GOLPH3: variants seen among roughly 807,000 people sequenced by gnomAD.
The protein encoded by GOLPH3 is coat protein GPP34.
GOLPH3 carries 14 observed loss-of-function variants against 28.5 expected under a neutral mutation model. That is an observed-to-expected ratio of 0.49 (90% confidence interval 0.32 to 0.77). GOLPH3 has a LOEUF of 0.77. Ranked by LOEUF, GOLPH3 falls within the 30% of genes least tolerant of loss-of-function variation. The probability of loss-of-function intolerance (pLI) is 0.03; values close to 1 mark genes in which losing one functional copy is unlikely to be tolerated. For missense variants in GOLPH3, 350 were observed against 393.7 expected, an observed-to-expected ratio of 0.89 and a Z score of 0.94; for synonymous variants, 158 against 159.2, an observed-to-expected ratio of 0.99 and a Z score of 0.06.
chr5:32,153,000 C>T (rs565445519), intron 1 of GOLPH3, among the ~76,000 whole-genome samples: 2 of 152,140 alleles, frequency 1.3e-5, no homozygotes, highest in Admixed American at 1.3e-4. Flanking sequence ...GAAACAGCCC[C>T]ATAAATATGC....
intron 2 of GOLPH3, among the ~76,000 whole-genome samples, chr5:32,137,079 C>A (rs1396990872): frequency 6.6e-6 from 1 of 151,990 alleles, no homozygotes; most frequent in Non-Finnish European, 1.5e-5. Context: ...CCTGCCTCAG[C>A]CTTCCAAGTA....
chr5:32,169,841 G>A (rs1489382426), intron 1 of GOLPH3, among the ~76,000 whole-genome samples: 1 of 151,776 alleles, frequency 6.6e-6, no homozygotes, highest in Non-Finnish European at 1.5e-5. Context: ...AAATACTTAT[G>A]CACTGATTCT....
intron 1 of GOLPH3, among the ~76,000 whole-genome samples, chr5:32,164,659 T>C (rs1468250986): frequency 2.0e-5 from 3 of 151,962 alleles, no homozygotes; most frequent in African/African-American, 4.8e-5. Context: ...ACTCCCAAAG[T>C]GTTGGGATTA....
intron 3 of GOLPH3, among the ~76,000 whole-genome samples, chr5:32,128,074 C>G (rs1270739796): frequency 6.6e-6 from 1 of 152,270 alleles, no homozygotes; most frequent in African/African-American, 2.4e-5. Flanking sequence ...GGGACCTACA[C>G]AGATAAAGAG....
At chr5:32,133,296 T>C (rs2111840174) in intron 3 of GOLPH3, among the ~76,000 whole-genome samples, 1 of 152,340 alleles carries the variant, frequency 6.6e-6, no homozygotes, top group African/African-American at 2.4e-5. Context: ...ACAGGTTAAG[T>C]GTAAGATGCA....
Position 32,134,556 on chromosome 5 carries a change from G to A in GOLPH3, c.472+1016C>T, listed in dbSNP as rs1745893850. On this transcript the variant is annotated intron_variant, in intron 3 of 3. Coordinates refer to ENST00000265070, the MANE Select transcript of GOLPH3 (RefSeq NM_022130.4). The stretch of plus-strand genomic sequence containing the variant: ...AAAAAAAACTCAGCGAGGCATGGTG[G>A]CACACACCTGTAGTCTTAGCTACTC... Among the ~76,000 whole-genome samples the A allele has an allele frequency of 4.0e-5, 6 of 151,778 alleles. No homozygotes were observed. The South Asian group carries it at 1.3e-3, about 32-fold the overall frequency.
intron 1 of GOLPH3, 112 bp from the exon 2 acceptor site, chr5:32,143,992 T>C: frequency 1.6e-6 from 1 of 616,744 alleles, no homozygotes. Context: ...TTACCTTTCC[T>C]GTCTTTCTAT....
chr5:32,169,308 AC>A (rs1197473822), intron 1 of GOLPH3, among the ~76,000 whole-genome samples: 2 of 152,192 alleles, frequency 1.3e-5, no homozygotes, highest in East Asian at 3.9e-4. Context: ...CTATGGGGAA[AC>A]CCTAAAGTAA....
intron 1 of GOLPH3, among the ~76,000 whole-genome samples, chr5:32,149,907 G>A (rs999940606): frequency 1.3e-5 from 2 of 151,952 alleles, no homozygotes; most frequent in Non-Finnish European, 2.9e-5. Flanking sequence ...TGAGGCAGGA[G>A]AATCGCTAGA....
chr5:32,166,098 T>C (rs892150863), intron 1 of GOLPH3, among the ~76,000 whole-genome samples: 1 of 152,232 alleles, frequency 6.6e-6, no homozygotes, highest in African/African-American at 2.4e-5. Flanking sequence ...CTGCAGAGAA[T>C]TCACAAAGTT....
rs748142248 is a variant in GOLPH3 at position 32,135,526 on chromosome 5, A to C, written c.472+46T>G. The C allele has an allele frequency of 2.6e-6, 3 of 1,166,090 alleles. No homozygotes were observed. The East Asian group carries it at 7.0e-5, about 27-fold the overall frequency. The allele number at this position is 1,166,090 out of a possible 1,614,324, so 72.2% of individuals were successfully genotyped here. A position where few individuals can be genotyped will look rare whatever the true frequency, so the allele number is the denominator to read the frequency against. On this transcript the variant is annotated intron_variant, in intron 3 of 3. Coordinates refer to ENST00000265070, the MANE Select transcript of GOLPH3 (RefSeq NM_022130.4). ...CTTTCAAAAGGATTTAAACTTCGCA[A>C]TCTTTTAAACAGAAGTTGGTTTTTG...
chr5:32,127,838 G>A (rs1745716468), intron 3 of GOLPH3, among the ~76,000 whole-genome samples: 1 of 152,118 alleles, frequency 6.6e-6, no homozygotes, highest in Admixed American at 6.5e-5. Flanking sequence ...CGAAAAAACT[G>A]TTTTCAGACA....
At chr5:32,171,966 AG>A (rs1746847219) in intron 1 of GOLPH3, among the ~76,000 whole-genome samples, 1 of 151,986 alleles carries the variant, frequency 6.6e-6, no homozygotes, top group Non-Finnish European at 1.5e-5. Flanking sequence ...AAAAAAAAAA[AG>A]ACAAATGTTT....
intron 3 of GOLPH3, among the ~76,000 whole-genome samples, chr5:32,132,753 T>C (rs1054848597): frequency 1.5e-4 from 23 of 152,186 alleles, no homozygotes; most frequent in Non-Finnish European, 2.8e-4. Context: ...GTAAAAATGG[T>C]AAAAGTTACA....
Position 32,147,181 on chromosome 5 carries a change from A to G in GOLPH3, c.226-3301T>C, listed in dbSNP as rs536427312. On this transcript the variant is annotated intron_variant, in intron 1 of 3. Transcript: ENST00000265070. ...TGTGCACAAAAATATATGTACAAAT[A>G]TATTGATCACATCATTATCATAGTA... Among the ~76,000 whole-genome samples, 4 of 148,882 alleles carry G rather than the reference A, an allele frequency of 2.7e-5. No homozygotes were observed. In the South Asian group the frequency reaches 8.3e-4, roughly 31 times the overall value.
At chr5:32,166,821 AAGC>A (rs1016104861) in intron 1 of GOLPH3, among the ~76,000 whole-genome samples, 1 of 151,882 alleles carries the variant, frequency 6.6e-6, no homozygotes, top group Non-Finnish European at 1.5e-5. Context: ...AAAAAAAAAA[AAGC>A]AGGAGGAGGA....
chr5:32,143,855 C>T lies in GOLPH3; in HGVS notation c.251G>A (p.Cys84Tyr), dbSNP rs1746137045. 2.5e-6 allele frequency: 4 copies of T among 1,577,430 alleles called. No individual in the cohort carries two copies. The Admixed American group carries it at 5.8e-5, about 23-fold the overall frequency. Residue 84 changes from cysteine to tyrosine, a missense_variant, in exon 2 of 4, where the codon TGT becomes TAT. Transcript: ENST00000265070. ...ACAGCCACGTAATCCAGATGATATA[C>T]AGTCATTCCAAAATGATGTGTAACC... ...REGYTSFWND[C>Y]ISSGLRGCML... is the part of the protein sequence containing the mutation.
intron 2 of GOLPH3, among the ~76,000 whole-genome samples, chr5:32,140,896 T>C (rs1335330343): frequency 6.6e-6 from 1 of 151,648 alleles, no homozygotes; most frequent in Middle Eastern, 3.2e-3. Context: ...GCATGATAGC[T>C]CACGCCTGTA....
At chr5:32,156,058 T>G (rs937020973) in intron 1 of GOLPH3, among the ~76,000 whole-genome samples, 1 of 145,504 alleles carries the variant, frequency 6.9e-6, no homozygotes, top group East Asian at 2.1e-4. Flanking sequence ...GCCTCATGAA[T>G]GCAATTAGTG....
Sources: allele counts gnomAD v4.1 joint callset (sites outside exome capture counted in the v4.1 genomes callset), GRCh38; gene constraint gnomAD v4.1.1; transcripts MANE v1.5; gene names NCBI Gene and HGNC (gene_info 2026-07-23, HGNC 2026-07-21).